TDRD15: variants seen among roughly 807,000 people sequenced by gnomAD.
TDRD15 encodes tudor domain containing 15.
For synonymous variants in TDRD15, 503 were observed against 314.5 expected (o/e 1.60, Z -6.34); for missense variants, 1,416 against 904.7 (o/e 1.57, Z -7.25).
intron 3 of TDRD15, among the ~76,000 whole-genome samples, chr2:21,135,599 T>C (rs888472801): frequency 1.3e-5 from 2 of 152,030 alleles, no homozygotes; most frequent in African/African-American, 4.8e-5. Context: ...TTAATATGCA[T>C]AGGTTATTAA....
At position 21,142,003 on chromosome 2, in the gene TDRD15, C is replaced by G. The variant is rs760550717; in HGVS notation, c.4536C>G (p.Asn1512Lys). 22 of 699,296 alleles carry G rather than the reference C, an allele frequency of 3.1e-5. No homozygotes were observed. The South Asian group carries it at 3.5e-4, about 11-fold the overall frequency. 43.3% of individuals were successfully genotyped at this position (699,296 alleles called of 1,614,324 possible). The stretch of plus-strand genomic sequence containing the variant: ...AGTCTGAAGGTTCTATGAATTCAAA[C>G]CAACAGCTGTTTAAAATTCCTTTGG... ...SNESEGSMNSNQQLFKIPLEE... is the reference protein window; with the variant it reads ...SNESEGSMNSKQQLFKIPLEE... Residue 1512 changes from asparagine to lysine, a missense_variant, in exon 4 of 4, where the codon AAC (asparagine) becomes AAG (lysine). By Grantham distance (94) the Asn-to-Lys change is moderately conservative (BLOSUM62 0). Transcript: ENST00000405799.
rs1373384389 is a variant in TDRD15, at chr2:21,142,171, T to C, written c.4704T>C (p.Pro1568=). The C allele has an allele frequency of 4.5e-6, 3 of 672,290 alleles. No homozygotes were observed. The highest frequency in any genetic ancestry group is 8.1e-6 in the Non-Finnish European group (3 of 372,510). 41.6% of individuals were successfully genotyped at this position (672,290 alleles called of 1,614,324 possible). Residue 1568 remains proline, a synonymous_variant, in exon 4 of 4, where the codon CCT becomes CCC. Coordinates refer to ENST00000405799, the MANE Select transcript of TDRD15 (RefSeq NM_001306137.2). ...TTACGAAAGAAGAAAAAAAATCCCC[T>C]TTTTTATCAATGGAAAGTATTGAAA... ...VLITKEEKKS[P]FLSMESIEKG...
At chr2:21,124,497 GAC>G (rs1168481249) in intron 1 of TDRD15, among the ~76,000 whole-genome samples, 1 of 148,438 alleles carries the variant, frequency 6.7e-6, no homozygotes, top group Non-Finnish European at 1.5e-5. Flanking sequence ...GTGTGTGTGT[GAC>G]AGAGTGATCC....
intron 3 of TDRD15, among the ~76,000 whole-genome samples, chr2:21,136,988 G>A (rs1665820469): frequency 6.6e-6 from 1 of 151,992 alleles, no homozygotes; most frequent in African/African-American, 2.4e-5. Flanking sequence ...AAAACAGTGT[G>A]CCCCTTTTTG....
chr2:21,140,977 AG>A lies in TDRD15; in HGVS notation c.3512del (p.Gly1171AlafsTer11). The A allele has an allele frequency of 1.4e-6, 1 of 714,146 alleles. No homozygotes were observed. The highest frequency in any genetic ancestry group is 2.6e-6 in the Non-Finnish European group (1 of 383,458). The allele number at this position is 714,146 out of a possible 1,614,324, so 44.2% of individuals were successfully genotyped here. On this transcript the variant is annotated frameshift_variant, in exon 4 of 4. Coordinates refer to ENST00000405799, the MANE Select transcript of TDRD15 (RefSeq NM_001306137.2). LOFTEE classifies it low-confidence loss of function (END_TRUNC). ...ENKRFTTSLKGKTGNNYRHNV... is the reference protein window; with the variant it reads ...ENKRFTTSLKXKTGNNYRHNV... The stretch of plus-strand genomic sequence containing the variant: ...ATAAGAGATTTACTACTTCTTTGAA[AG>A]GCAAAACAGGAAACAACTATCGCCA...
At chr2:21,126,843 C>CTG (rs1665608142) in intron 1 of TDRD15, among the ~76,000 whole-genome samples, 2 of 152,262 alleles carry the variant, frequency 1.3e-5, no homozygotes, top group African/African-American at 4.8e-5. Flanking sequence ...AGTGGAATGA[C>CTG]TGGGTCATGT....
Position 21,144,045 on chromosome 2 carries a change from G to T in TDRD15, c.*773G>T, listed in dbSNP as rs949233000. 7.3e-5 allele frequency among the ~76,000 whole-genome samples: 11 copies of T among 151,650 alleles called. No homozygotes were observed. Among genetic ancestry groups the T allele is most frequent in the Non-Finnish European group, 1.6e-4 (11 of 67,738 alleles). On this transcript the variant is annotated 3_prime_UTR_variant, in exon 4 of 4. Coordinates refer to ENST00000405799, the MANE Select transcript of TDRD15 (RefSeq NM_001306137.2). ...GTGAGCTTCCTGCGCTTATTTTGAA[G>T]AATCATTTTTCTGTTATATATAGTT...
chr2:21,132,304 G>A (rs1572296167), intron 2 of TDRD15, among the ~76,000 whole-genome samples: 1 of 152,074 alleles, frequency 6.6e-6, no homozygotes, highest in South Asian at 2.1e-4. Context: ...AGTGAAATTA[G>A]AAGCCACTGA....
chr2:21,138,845 T>G lies in TDRD15; in HGVS notation c.1378T>G (p.Ser460Ala), dbSNP rs1181207244. 1.4e-6 allele frequency: 1 copy of G among 714,554 alleles called. No individual in the cohort carries two copies. The highest frequency in any genetic ancestry group is 2.6e-6 in the Non-Finnish European group (1 of 383,800). The allele number at this position is 714,554 out of a possible 1,614,324, so 44.3% of individuals were successfully genotyped here. A position where few individuals can be genotyped will look rare whatever the true frequency, so the allele number is the denominator to read the frequency against. The change falls in exon 4 of 4, where the codon TCT becomes GCT. Residue 460 changes from serine to alanine, a missense_variant. Ser to Ala is a moderately conservative substitution (Grantham distance 99). Transcript: ENST00000405799. ...GGGAAATATTGAATGGTCAATAGAC[T>G]CTCTAAATAAAAAAGGCATTTTAAA... Reference protein sequence around the residue: ...FMGNIEWSIDSLNKKGILKVG... With the variant: ...FMGNIEWSIDALNKKGILKVG...
intron 3 of TDRD15, among the ~76,000 whole-genome samples, chr2:21,135,970 G>T (rs1412235970): frequency 1.3e-5 from 2 of 151,988 alleles, no homozygotes; most frequent in Admixed American, 1.3e-4. Context: ...TCTGTTTAAT[G>T]AAGGAGATCT....
chr2:21,135,813 A>G (rs932252089), intron 3 of TDRD15, among the ~76,000 whole-genome samples: 1 of 152,056 alleles, frequency 6.6e-6, no homozygotes, highest in Middle Eastern at 3.4e-3. Flanking sequence ...ACCCCTTCTG[A>G]TGTGGAATTC....
chr2:21,144,334 G>A lies in TDRD15; in HGVS notation c.*1062G>A, dbSNP rs1005666656. Among the ~76,000 whole-genome samples the A allele has an allele frequency of 1.3e-5, 2 of 151,730 alleles. No homozygotes were observed. Among genetic ancestry groups the A allele is most frequent in the African/African-American group, 4.8e-5 (2 of 41,396 alleles). ...AAAGAATGTTCCCCGGCAAATGTTT[G>A]TTTTGACTTTATAAATAAAATGTAT... On this transcript the variant is annotated 3_prime_UTR_variant, in exon 4 of 4. Coordinates refer to ENST00000405799, the MANE Select transcript of TDRD15 (RefSeq NM_001306137.2).
chr2:21,128,845 T>C (rs1468990371), intron 2 of TDRD15, among the ~76,000 whole-genome samples: 4 of 151,944 alleles, frequency 2.6e-5, no homozygotes, highest in African/African-American at 9.7e-5. Flanking sequence ...TGGCCATTTA[T>C]AGAGAAATTC....
intron 1 of TDRD15, among the ~76,000 whole-genome samples, chr2:21,125,142 G>T (rs1665559453): frequency 6.6e-6 from 1 of 151,130 alleles, no homozygotes; most frequent in Non-Finnish European, 1.5e-5. Flanking sequence ...TAATGTCAGG[G>T]TGTGTGTGTG....
intron 1 of TDRD15, among the ~76,000 whole-genome samples, chr2:21,124,871 G>T (rs1665552884): frequency 6.7e-6 from 1 of 148,310 alleles, no homozygotes; most frequent in Non-Finnish European, 1.5e-5. Flanking sequence ...GAGTGTGTGT[G>T]TATGTGAGAA....
At chr2:21,129,322 C>T (rs904006695) in intron 2 of TDRD15, among the ~76,000 whole-genome samples, 14 of 152,272 alleles carry the variant, frequency 9.2e-5, no homozygotes, top group African/African-American at 3.1e-4. Flanking sequence ...TACCGTTTTA[C>T]AGGTGCAGAT....
intron 2 of TDRD15, among the ~76,000 whole-genome samples, chr2:21,130,726 G>A (rs575813331): frequency 1.3e-5 from 2 of 152,248 alleles, no homozygotes; most frequent in East Asian, 3.9e-4. Context: ...TGGTGCAAAA[G>A]CAATGGTGGA....
intron 3 of TDRD15, among the ~76,000 whole-genome samples, chr2:21,136,260 T>C (rs1665805084): frequency 1.3e-5 from 2 of 152,060 alleles, no homozygotes; most frequent in East Asian, 3.9e-4. Flanking sequence ...GGTGAGACTT[T>C]ATATTCTGTC....
At chr2:21,127,021 T>C (rs1665611188) in intron 1 of TDRD15, among the ~76,000 whole-genome samples, 1 of 152,218 alleles carries the variant, frequency 6.6e-6, no homozygotes, top group African/African-American at 2.4e-5. Flanking sequence ...CTAGTGGATG[T>C]GAAGTATTAT....
Sources: gnomAD v4.1 joint callset for allele counts (sites outside exome capture counted in the v4.1 genomes callset) on GRCh38, gnomAD v4.1.1 for gene constraint, MANE v1.5 for transcripts, NCBI Gene and HGNC (gene_info 2026-07-23, HGNC 2026-07-21) for gene names.